ME1: variants seen among roughly 807,000 people sequenced by gnomAD.
ME1 encodes NADP-dependent malic enzyme.
ME1 carries 74 observed loss-of-function variants against 66.4 expected under a neutral mutation model. The ratio of observed to expected loss-of-function variants is 1.11; its 90% confidence interval spans 0.92 to 1.35. The LOEUF (loss-of-function observed/expected upper bound fraction) is 1.35, where lower values mean the gene tolerates loss of function less well. Ranked by LOEUF, ME1 falls within the 40% of genes most tolerant of loss-of-function variation. The pLI is 0.00. For synonymous variants in ME1, 251 were observed against 235.6 expected (o/e 1.07, Z -0.60); for missense variants, 750 against 694.1 (o/e 1.08, Z -0.90).
At chr6:83,380,478 A>G (rs1769375156) in intron 3 of ME1, among the ~76,000 whole-genome samples, 1 of 152,092 alleles carries the variant, frequency 6.6e-6, no homozygotes, top group Non-Finnish European at 1.5e-5. Context: ...TCCAGGAAAG[A>G]AACAAGAAGA....
At chr6:83,243,227 C>T (rs531508550) in intron 7 of ME1, among the ~76,000 whole-genome samples, 1 of 149,044 alleles carries the variant, frequency 6.7e-6, no homozygotes, top group Non-Finnish European at 1.5e-5. Context: ...GACTGCTCTG[C>T]TGCACTCCAG....
At chr6:83,401,302 T>C (rs958226835) in intron 2 of ME1, among the ~76,000 whole-genome samples, 3 of 152,180 alleles carry the variant, frequency 2.0e-5, no homozygotes, top group Non-Finnish European at 4.4e-5. Context: ...GTCAGTGCAC[T>C]GCAGCCTGGG....
intron 5 of ME1, among the ~76,000 whole-genome samples, chr6:83,319,244 G>T (rs1768106143): frequency 6.6e-6 from 1 of 151,340 alleles, no homozygotes; most frequent in Admixed American, 6.6e-5. Context: ...CATGGCACAT[G>T]TATATGTATG....
chr6:83,313,924 T>C (rs1372140132), intron 6 of ME1, among the ~76,000 whole-genome samples: 1 of 152,176 alleles, frequency 6.6e-6, no homozygotes, highest in Non-Finnish European at 1.5e-5. Context: ...GCATTCTAAA[T>C]GTTGTGCAAG....
At chr6:83,362,951 T>C (rs13201644) in intron 3 of ME1, among the ~76,000 whole-genome samples, 8,534 of 152,250 alleles carry the variant, frequency 0.056, 305 homozygotes, top group Admixed American at 0.098. Context: ...GCTGGATTGA[T>C]AGAATGGTGA....
At chr6:83,411,172 T>C (rs956616053) in intron 1 of ME1, among the ~76,000 whole-genome samples, 3 of 151,884 alleles carry the variant, frequency 2.0e-5, no homozygotes, top group African/African-American at 7.3e-5. Context: ...GAGACCAGCC[T>C]GGCCAATATG....
chr6:83,244,787 T>C (rs1562458033), intron 7 of ME1, among the ~76,000 whole-genome samples: 2 of 152,136 alleles, frequency 1.3e-5, no homozygotes, highest in East Asian at 3.9e-4. Context: ...TAAATGAACA[T>C]GAACATTTAA....
intron 9 of ME1, among the ~76,000 whole-genome samples, chr6:83,233,881 A>T (rs1385037069): frequency 6.6e-6 from 1 of 152,040 alleles, no homozygotes. Flanking sequence ...CAATATAAGG[A>T]TTTTGACTGT....
chr6:83,393,102 C>T (rs1317201811), intron 3 of ME1: 12 of 1,448,614 alleles, frequency 8.3e-6, no homozygotes, highest in South Asian at 1.2e-5. Context: ...CATGGCCTTC[C>T]GTGTCCCCAC....
Position 83,305,973 on chromosome 6 carries a change from A to C in ME1, c.704+9337T>G, listed in dbSNP as rs368780742. Among the ~76,000 whole-genome samples, 15 of 152,286 alleles carry C rather than the reference A, an allele frequency of 9.8e-5. No homozygotes were observed. In the East Asian group the frequency reaches 2.7e-3, roughly 27 times the overall value. On this transcript the variant is annotated intron_variant, in intron 6 of 13. Coordinates refer to ENST00000369705, the MANE Select transcript of ME1 (RefSeq NM_002395.6). ...TCAAAAGGAAAAGTAAATTGCTTTC[A>C]CATGTTCATACCTGCTTTACCTTTG...
At chr6:83,285,107 A>T (rs1475619880) in intron 6 of ME1, among the ~76,000 whole-genome samples, 1 of 152,148 alleles carries the variant, frequency 6.6e-6, no homozygotes, top group Non-Finnish European at 1.5e-5. Flanking sequence ...AAATAAGTGA[A>T]TGGGGGTATA....
chr6:83,270,483 T>G (rs1377087939), intron 6 of ME1, among the ~76,000 whole-genome samples: 2 of 152,048 alleles, frequency 1.3e-5, no homozygotes, highest in Non-Finnish European at 2.9e-5. Flanking sequence ...GTGATCACCA[T>G]ATCCTATAGT....
intron 3 of ME1, among the ~76,000 whole-genome samples, chr6:83,370,730 C>A (rs1164963980): frequency 6.6e-6 from 1 of 152,062 alleles, no homozygotes; most frequent in Non-Finnish European, 1.5e-5. Context: ...ATATATACAT[C>A]CTATCCAGCA....
chr6:83,350,490 G>A (rs1380508473), intron 4 of ME1, among the ~76,000 whole-genome samples: 2 of 152,056 alleles, frequency 1.3e-5, no homozygotes, highest in African/African-American at 4.8e-5. Flanking sequence ...TTCTGAGACA[G>A]GGTCTCACTC....
At chr6:83,349,987 A>G (rs1406498201) in intron 4 of ME1, among the ~76,000 whole-genome samples, 1 of 152,200 alleles carries the variant, frequency 6.6e-6, no homozygotes, top group Non-Finnish European at 1.5e-5. Context: ...CAACTTTGCT[A>G]GAAAAGTTTT....
chr6:83,348,684 A>G (rs1444350796), intron 4 of ME1, among the ~76,000 whole-genome samples: 1 of 150,478 alleles, frequency 6.6e-6, no homozygotes, highest in Non-Finnish European at 1.5e-5. Context: ...TGTCTTGAAC[A>G]TTAAAAAAAA....
intron 5 of ME1, among the ~76,000 whole-genome samples, chr6:83,318,069 T>C (rs1463225760): frequency 6.6e-6 from 1 of 151,940 alleles, no homozygotes; most frequent in African/African-American, 2.4e-5. Flanking sequence ...CCCTATTAAA[T>C]AAATGGTGCT....
At position 83,237,823 on chromosome 6, in the gene ME1, A is replaced by G; in HGVS notation, c.920T>C (p.Leu307Pro). ...CATCACAATCAGGTGTGCAATCCCT[A>G]GGGCAGCCTCAGTGATGAAAAGAAA... ...ILFQGAGEAA[L>P]GIAHLIVMAL... The change falls in exon 9 of 14, where the codon CTA becomes CCA. Residue 307 changes from leucine to proline, a missense_variant. Transcript: ENST00000369705. The G allele has an allele frequency of 1.3e-6, 2 of 1,584,544 alleles. No individual in the cohort carries two copies. Among genetic ancestry groups the G allele is most frequent in the South Asian group, 2.3e-5 (2 of 86,148 alleles).
At chr6:83,287,242 T>C (rs1767412856) in intron 6 of ME1, among the ~76,000 whole-genome samples, 1 of 152,114 alleles carries the variant, frequency 6.6e-6, no homozygotes, top group African/African-American at 2.4e-5. Flanking sequence ...GCCATGGTGG[T>C]TTGCTGCACC....
Sources: gnomAD v4.1 joint callset for allele counts (sites outside exome capture counted in the v4.1 genomes callset) on GRCh38, gnomAD v4.1.1 for gene constraint, MANE v1.5 for transcripts, NCBI Gene and HGNC (gene_info 2026-07-23, HGNC 2026-07-21) for gene names.